B3GNT2: variants seen among roughly 807,000 people sequenced by gnomAD.
B3GNT2 encodes N-acetyllactosaminide beta-1,3-N-acetylglucosaminyltransferase 2.
Under a neutral mutation model 27.6 loss-of-function variants are expected in B3GNT2, and 12 were observed. The observed-to-expected ratio is 0.44, with a 90% CI of 0.28 to 0.71. B3GNT2 has a LOEUF of 0.71. Ranked by LOEUF, B3GNT2 falls within the 30% of genes least tolerant of loss-of-function variation. B3GNT2 has a pLI of 0.17. For synonymous variants in B3GNT2, 192 were observed against 189.7 expected (o/e 1.01, Z -0.10); for missense variants, 413 against 488.5 (o/e 0.85, Z 1.46).
At chr2:62,199,132 G>C (rs1013621474) in intron 1 of B3GNT2, among the ~76,000 whole-genome samples, 1 of 152,134 alleles carries the variant, frequency 6.6e-6, no homozygotes, top group African/African-American at 2.4e-5. Context: ...GTAGAGACAG[G>C]GTTTCACTGT....
Position 62,223,354 on chromosome 2 carries a change from A to G in B3GNT2, c.1134A>G (p.Arg378=), listed in dbSNP as rs901981782. The G allele has an allele frequency of 6.2e-6, 10 of 1,613,826 alleles. No homozygotes were observed. Among genetic ancestry groups the G allele is most frequent in the Non-Finnish European group, 8.5e-6 (10 of 1,179,972 alleles). The change falls in exon 2 of 2, where the codon AGA becomes AGG. Residue 378 remains arginine, a synonymous_variant. Coordinates refer to ENST00000301998, the MANE Select transcript of B3GNT2 (RefSeq NM_006577.6). ...SYVDLMLVHS[R]KPQEMIDIWS... is the part of the protein sequence containing the mutation. ...TAGATCTGATGTTAGTACATAGTAG[A>G]AAACCTCAAGAGATGATTGATATTT...
intron 1 of B3GNT2, among the ~76,000 whole-genome samples, chr2:62,199,876 A>G (rs758445863): frequency 5.3e-5 from 8 of 152,244 alleles, no homozygotes; most frequent in Non-Finnish European, 8.8e-5. Flanking sequence ...CTGTTTGAAT[A>G]AGAGGTGTAT....
intron 1 of B3GNT2, among the ~76,000 whole-genome samples, chr2:62,200,399 G>T (rs922806565): frequency 6.6e-6 from 1 of 152,084 alleles, no homozygotes; most frequent in South Asian, 2.1e-4. Flanking sequence ...GAGGGTTCAG[G>T]TGTCTTCATT....
chr2:62,211,824 C>G (rs1473427991), intron 1 of B3GNT2, among the ~76,000 whole-genome samples: 1 of 152,202 alleles, frequency 6.6e-6, no homozygotes, highest in African/African-American at 2.4e-5. Flanking sequence ...CCCTGCTTCT[C>G]TCTACATTTC....
intron 1 of B3GNT2, among the ~76,000 whole-genome samples, chr2:62,210,920 T>C (rs1359692279): frequency 1.3e-5 from 2 of 152,220 alleles, no homozygotes; most frequent in Non-Finnish European, 2.9e-5. Flanking sequence ...CTTGATTCTA[T>C]GCTAACTGAC....
intron 1 of B3GNT2, among the ~76,000 whole-genome samples, chr2:62,212,485 A>T (rs1674498802): frequency 6.6e-6 from 1 of 151,770 alleles, no homozygotes; most frequent in Non-Finnish European, 1.5e-5. Flanking sequence ...TTGACGTGGT[A>T]AGCTCCTATG....
Position 62,224,045 on chromosome 2 carries a change from GT to G in B3GNT2, c.*633del, listed in dbSNP as rs1299193914. The G allele has an allele frequency of 6.0e-6, 1 of 167,068 alleles. No homozygotes were observed. Among genetic ancestry groups the G allele is most frequent in the African/African-American group, 2.4e-5 (1 of 41,454 alleles). 10.3% of individuals were successfully genotyped at this position (167,068 alleles called of 1,614,324 possible). Reference sequence around the variant, plus strand: ...CTCATCTAATTTATCTTGTTGTGATGTTATGGTCATAATAAGGAGAAAGAGG... The same window carrying G: ...CTCATCTAATTTATCTTGTTGTGATGTATGGTCATAATAAGGAGAAAGAGG... On this transcript the variant is annotated 3_prime_UTR_variant, in exon 2 of 2. Coordinates refer to ENST00000301998, the MANE Select transcript of B3GNT2 (RefSeq NM_006577.6).
In B3GNT2 at chr2:62,222,441, T is replaced by A. The variant is rs925776577; in HGVS notation, c.221T>A (p.Leu74Gln). ...CTGAACCGGCAGTACAACCCCATCCTGAGCATGCTGACCAACCAGACGGGG... is the reference window on the plus strand; with the variant it reads ...CTGAACCGGCAGTACAACCCCATCCAGAGCATGCTGACCAACCAGACGGGG... ...EKLNRQYNPI[L>Q]SMLTNQTGEA... The change falls in exon 2 of 2, where the codon CTG (leucine) becomes CAG (glutamine). Residue 74 changes from leucine to glutamine, a missense_variant. Transcript: ENST00000301998. This position sits in a 1 kb window ranked among gnomAD's most constrained non-coding sequence, Gnocchi z 4.2. 1.2e-6 allele frequency: 2 copies of A among 1,614,148 alleles called. No individual in the cohort carries two copies.
At chr2:62,210,678 G>A (rs1454898861) in intron 1 of B3GNT2, among the ~76,000 whole-genome samples, 2 of 151,936 alleles carry the variant, frequency 1.3e-5, no homozygotes, top group African/African-American at 4.8e-5. Context: ...GCAGAGGTAG[G>A]AGAATCACTT....
intron 1 of B3GNT2, among the ~76,000 whole-genome samples, chr2:62,219,682 C>G (rs540271466): frequency 6.6e-6 from 1 of 152,182 alleles, no homozygotes; most frequent in Non-Finnish European, 1.5e-5. Context: ...GACAGCAGTA[C>G]TGGGTCAAGG....
intron 1 of B3GNT2, among the ~76,000 whole-genome samples, chr2:62,206,117 A>C (rs1324586879): frequency 6.6e-6 from 1 of 152,076 alleles, no homozygotes; most frequent in Non-Finnish European, 1.5e-5. Context: ...GGAGGATAGT[A>C]GTTGTTGTTA....
chr2:62,207,146 G>T (rs76828190), intron 1 of B3GNT2, among the ~76,000 whole-genome samples: 2,321 of 151,898 alleles, frequency 0.015, 61 homozygotes, highest in African/African-American at 0.053. Flanking sequence ...CGTTTATCTT[G>T]CAGGGAAATG....
chr2:62,198,104 A>G (rs1299633658), intron 1 of B3GNT2, among the ~76,000 whole-genome samples: 2 of 152,136 alleles, frequency 1.3e-5, no homozygotes, highest in Non-Finnish European at 2.9e-5. Context: ...TTAGTTCGGA[A>G]TATTGCTTTT....
intron 1 of B3GNT2, among the ~76,000 whole-genome samples, chr2:62,208,234 T>TC (rs1457664249): frequency 1.1e-5 from 1 of 89,492 alleles, no homozygotes. Context: ...CCCCCTTCCT[T>TC]CCCCCCCAAT....
rs1674777250 is a variant in B3GNT2 at position 62,224,025 on chromosome 2, CTAATT to C, written c.*614_*618del. On this transcript the variant is annotated 3_prime_UTR_variant, in exon 2 of 2. Coordinates refer to ENST00000301998, the MANE Select transcript of B3GNT2 (RefSeq NM_006577.6). ...ATGAGAATCATGGTGTGACACTCAT[CTAATT>C]TATCTTGTTGTGATGTTATGGTCAT... 1 of 167,044 alleles carries C rather than the reference CTAATT, an allele frequency of 6.0e-6. No homozygotes were observed. The highest frequency in any genetic ancestry group is 2.4e-5 in the African/African-American group (1 of 41,420). The allele number at this position is 167,044 out of a possible 1,614,324, so 10.3% of individuals were successfully genotyped here.
chr2:62,202,970 C>T (rs1421316289), intron 1 of B3GNT2, among the ~76,000 whole-genome samples: 8 of 152,150 alleles, frequency 5.3e-5, no homozygotes, highest in African/African-American at 1.9e-4. Context: ...CTCACCTCTT[C>T]TCTGAGAGGA....
rs1453754437 is a variant in B3GNT2, at chr2:62,217,607, G to A, written c.-9-4605G>A. Among the ~76,000 whole-genome samples, 4 of 152,188 alleles carry A rather than the reference G, an allele frequency of 2.6e-5. No homozygotes were observed. In the East Asian group the frequency reaches 5.8e-4, roughly 22 times the overall value. ...CACTGTAGGGGTCGAATACGGCGAT[G>A]CTGACACAGGCTGGGGGTGGGCTGT... On this transcript the variant is annotated intron_variant, in intron 1 of 1. Coordinates refer to ENST00000301998, the MANE Select transcript of B3GNT2 (RefSeq NM_006577.6).
intron 1 of B3GNT2, among the ~76,000 whole-genome samples, chr2:62,204,062 T>C (rs1443528778): frequency 1.3e-5 from 2 of 152,222 alleles, no homozygotes; most frequent in Non-Finnish European, 2.9e-5. Flanking sequence ...ATTTCCCTCT[T>C]GTTGCCCAGG....
intron 1 of B3GNT2, among the ~76,000 whole-genome samples, chr2:62,212,290 C>T (rs959798206): frequency 2.6e-5 from 4 of 152,160 alleles, no homozygotes; most frequent in Non-Finnish European, 4.4e-5. Flanking sequence ...TTCTGCAGCT[C>T]TGGCATCGGT....
Sources: allele counts gnomAD v4.1 joint callset (sites outside exome capture counted in the v4.1 genomes callset), GRCh38; gene constraint gnomAD v4.1.1; non-coding constraint Gnocchi (gnomAD v3.1); transcripts MANE v1.5; gene names NCBI Gene and HGNC (gene_info 2026-07-23, HGNC 2026-07-21).